Variants in CXADR observed in about 807,000 individuals in gnomAD.
The protein encoded by CXADR is coxsackievirus and adenovirus receptor.
A neutral mutation model predicts 40.3 loss-of-function variants in CXADR; 20 were observed. That is an observed-to-expected ratio of 0.50 (90% confidence interval 0.35 to 0.72). The LOEUF is 0.72. Among genes scored for constraint, CXADR ranks in the 30% least tolerant of loss-of-function variants. The pLI is 0.01. For missense variants in CXADR, 332 were observed against 449.1 expected, an observed-to-expected ratio of 0.74 and a Z score of 2.36; for synonymous variants, 150 against 161.3, an observed-to-expected ratio of 0.93 and a Z score of 0.53.
the CXADR span, chr21:17,613,606 G>A: frequency 2.0e-5 from 3 of 152,340 alleles, no homozygotes; most frequent in East Asian, 1.9e-4. Flanking sequence ...CAAAGATGTT[G>A]GCCAAAGGAA....
the CXADR span, among the ~76,000 whole-genome samples, chr21:17,629,022 G>A: frequency 2.0e-5 from 3 of 152,092 alleles, no homozygotes; most frequent in African/African-American, 4.8e-5. Context: ...AAATAGTTGG[G>A]CATCCTATGG....
chr21:17,543,819 C>G (rs1184711237), intron 1 of CXADR, among the ~76,000 whole-genome samples: 3 of 151,964 alleles, frequency 2.0e-5, no homozygotes, highest in Non-Finnish European at 2.9e-5. Context: ...TTTAAAAGTT[C>G]GCAAAAATAC....
At chr21:17,612,776 C>T in the CXADR span, 1 of 152,234 alleles carries the variant, frequency 6.6e-6, no homozygotes, top group Non-Finnish European at 1.5e-5. Context: ...AGGGCTCCGC[C>T]TCAACGGGCC....
chr21:17,575,572 G>T (rs1331735575), intron 7 of CXADR, among the ~76,000 whole-genome samples: 12 of 150,126 alleles, frequency 8.0e-5, no homozygotes, highest in Admixed American at 3.3e-4. Context: ...CTCACTGCAA[G>T]CTCCGCCACC....
rs1397120644 is a variant in CXADR, at chr21:17,516,284, A to G, written c.43+3112A>G. 3.9e-5 allele frequency among the ~76,000 whole-genome samples: 6 copies of G among 152,272 alleles called. 1 individual carries two copies. Among genetic ancestry groups the G allele is most frequent in the South Asian group, 4.1e-4 (2 of 4,830 alleles). ...CTTGAATCTGTGTTCTCATCACACT[A>G]TGCTCTTCTGTCCCTACAGCAGCCA... is the stretch of plus-strand genomic sequence containing the variant. On this transcript the variant is annotated intron_variant, in intron 1 of 6. Transcript: ENST00000284878.
chr21:17,550,473 A>G (rs1464227112), intron 2 of CXADR, among the ~76,000 whole-genome samples: 1 of 152,072 alleles, frequency 6.6e-6, no homozygotes, highest in Admixed American at 6.6e-5. Context: ...AAACCTGGAA[A>G]ACAGTGTTCT....
At position 17,565,298 on chromosome 21, in the gene CXADR, C is replaced by T; in HGVS notation, c.834-130C>T. On this transcript the variant is annotated intron_variant, in intron 6 of 6. Transcript: ENST00000284878. ...CTTTTTTGTGACACACACACACACA[C>T]ACACACACACACACACTTTTATATG... 7.5e-6 allele frequency: 5 copies of T among 668,040 alleles called. No homozygotes were observed. The South Asian group carries it at 1.3e-4, about 17-fold the overall frequency. The allele number at this position is 668,040 out of a possible 1,614,324, so 41.4% of individuals were successfully genotyped here.
chr21:17,531,742 G>A (rs578128257), intron 1 of CXADR, among the ~76,000 whole-genome samples: 46 of 152,176 alleles, frequency 3.0e-4, no homozygotes, highest in African/African-American at 6.0e-4. Flanking sequence ...TAAACTTAAC[G>A]ATAAGTGTGC....
At position 17,585,378 on chromosome 21, in the gene CXADR, G is replaced by A. The variant is rs553335631; in HGVS notation, c.1018-7774G>A. On this transcript the variant is annotated intron_variant, in intron 7 of 7. Coordinates refer to the CXADR transcript ENST00000400169. ...GCGTAAGAAAACATTCCATGTTTTC[G>A]AATTGTGTGACCATAAAATGAACAT... Among the ~76,000 whole-genome samples the A allele has an allele frequency of 3.9e-5, 6 of 152,064 alleles. No individual in the cohort carries two copies. In the South Asian group the frequency reaches 8.3e-4, roughly 21 times the overall value.
chr21:17,544,369 G>A (rs898747112), intron 1 of CXADR, among the ~76,000 whole-genome samples: 5 of 152,174 alleles, frequency 3.3e-5, no homozygotes, highest in Admixed American at 3.3e-4. Flanking sequence ...TTTTGGGCTG[G>A]ATCAGTGGGT....
rs1034110057 is a variant in CXADR at position 17,575,998 on chromosome 21, G to C, written c.1017+10387G>C. ...AGCTACTTGGGAGGCTGAGGCAGGA[G>C]AATCACTTGAACCTGGGAGGCAGAG... On this transcript the variant is annotated intron_variant, in intron 7 of 7. Coordinates refer to the CXADR transcript ENST00000400169. 5.5e-5 allele frequency among the ~76,000 whole-genome samples: 8 copies of C among 146,502 alleles called. No homozygotes were observed. In the East Asian group the frequency reaches 1.7e-3, roughly 31 times the overall value.
chr21:17,622,824 A>G, the CXADR span, among the ~76,000 whole-genome samples: 17 of 152,318 alleles, frequency 1.1e-4, no homozygotes, highest in South Asian at 3.1e-3. Context: ...TTCAACATAA[A>G]TATAATATAA....
chr21:17,531,118 C>A (rs537982241), intron 1 of CXADR, among the ~76,000 whole-genome samples: 1 of 151,942 alleles, frequency 6.6e-6, no homozygotes, highest in East Asian at 2.0e-4. Flanking sequence ...GCCAGCGTGG[C>A]GAAACCCCAT....
In CXADR at chr21:17,523,017, G is replaced by A. The variant is rs577085751; in HGVS notation, c.43+9845G>A. 7.9e-5 allele frequency among the ~76,000 whole-genome samples: 12 copies of A among 152,062 alleles called. No homozygotes were observed. The South Asian group carries it at 2.3e-3, about 29-fold the overall frequency. ...TTCCCATCTGCTCATATCCAATTTC[G>A]AAGTCATTGTGTCCCTCCAGCCACT... On this transcript the variant is annotated intron_variant, in intron 1 of 6. Transcript: ENST00000284878.
chr21:17,537,894 T>A (rs987003210), intron 1 of CXADR, among the ~76,000 whole-genome samples: 14 of 152,032 alleles, frequency 9.2e-5, no homozygotes, highest in African/African-American at 3.4e-4. Context: ...ATGAAAGCAT[T>A]GTTAGTGCTA....
chr21:17,526,279 T>C (rs2824334), intron 1 of CXADR, among the ~76,000 whole-genome samples: 21,472 of 152,168 alleles, frequency 0.14, 1,663 homozygotes, highest in African/African-American at 0.21. Flanking sequence ...TCTCATGAGA[T>C]TTTACTTCTA....
chr21:17,544,947 A>T (rs111435959), intron 1 of CXADR, among the ~76,000 whole-genome samples: 1 of 151,776 alleles, frequency 6.6e-6, no homozygotes, highest in African/African-American at 2.4e-5. Context: ...GGAAAGAATC[A>T]TGCAGTGACT....
chr21:17,595,483 C>T (rs1302134345), downstream of CXADR, among the ~76,000 whole-genome samples: 1 of 151,884 alleles, frequency 6.6e-6, no homozygotes, highest in Non-Finnish European at 1.5e-5. Context: ...TAGAGATATT[C>T]TATCCACATC....
chr21:17,599,744 T>A, the CXADR span, among the ~76,000 whole-genome samples: 2 of 152,204 alleles, frequency 1.3e-5, no homozygotes, highest in African/African-American at 4.8e-5. Flanking sequence ...CCTCCCAAAG[T>A]GCTGGGTTTA....
Sources: gnomAD v4.1 joint callset for allele counts (sites outside exome capture counted in the v4.1 genomes callset) on GRCh38, gnomAD v4.1.1 for gene constraint, MANE v1.5 for transcripts, NCBI Gene and HGNC (gene_info 2026-07-23, HGNC 2026-07-21) for gene names.